The following DOCK1 variants were observed in gnomAD, a reference collection of about 807,000 sequenced individuals.
The protein encoded by DOCK1 is dedicator of cytokinesis protein 1.
DOCK1 carries 138 observed loss-of-function variants against 262.7 expected under a neutral mutation model. The observed-to-expected ratio is 0.53, with a 90% CI of 0.46 to 0.61. The LOEUF (loss-of-function observed/expected upper bound fraction) is 0.61, where lower values mean the gene tolerates loss of function less well. Ranked by LOEUF, DOCK1 falls within the 20% of genes least tolerant of loss-of-function variation. The pLI, the probability that DOCK1 is intolerant of heterozygous loss-of-function variation, is 0.00. For synonymous variants in DOCK1, 866 were observed against 867.4 expected (o/e 1.00, Z 0.03); for missense variants, 1,908 against 2,370.7 (o/e 0.80, Z 4.05).
intron 7 of DOCK1, 141 bp from the exon 8 acceptor site, chr10:126,997,951 G>C: frequency 1.9e-6 from 2 of 1,046,822 alleles, no homozygotes; most frequent in Non-Finnish European, 2.8e-6. Flanking sequence ...GTGCAGGGGA[G>C]ATAAGAAAGT....
chr10:127,308,325 T>C (rs2061949241), intron 29 of DOCK1, among the ~76,000 whole-genome samples: 3 of 152,236 alleles, frequency 2.0e-5, no homozygotes, highest in African/African-American at 7.2e-5. Context: ...CCTGGGATGC[T>C]GGACCCACTC....
chr10:127,105,625 A>G (rs2048485668), intron 23 of DOCK1, among the ~76,000 whole-genome samples: 1 of 152,172 alleles, frequency 6.6e-6, no homozygotes, highest in African/African-American at 2.4e-5. Context: ...GGAGAAAATC[A>G]CATGCATGCT....
chr10:127,107,729 C>A (rs2048616620), intron 24 of DOCK1, among the ~76,000 whole-genome samples: 1 of 152,188 alleles, frequency 6.6e-6, no homozygotes, highest in Non-Finnish European at 1.5e-5. Context: ...ATTTTAACAA[C>A]CTCCCTCCCC....
chr10:127,202,817 C>T (rs116700565), intron 27 of DOCK1, among the ~76,000 whole-genome samples: 1 of 152,178 alleles, frequency 6.6e-6, no homozygotes, highest in Non-Finnish European at 1.5e-5. Context: ...ATGATCTCTC[C>T]AAGGTCACAC....
chr10:127,448,289 C>G (rs1208950387), intron 51 of DOCK1, among the ~76,000 whole-genome samples: 2 of 152,200 alleles, frequency 1.3e-5, no homozygotes, highest in African/African-American at 4.8e-5. Flanking sequence ...ATTCATGCCA[C>G]CCAAAGTGCC....
At chr10:127,264,404 G>C (rs758687647) in intron 29 of DOCK1, among the ~76,000 whole-genome samples, 1 of 152,126 alleles carries the variant, frequency 6.6e-6, no homozygotes, top group African/African-American at 2.4e-5. Flanking sequence ...TGGGACCTAC[G>C]GGAAATAATG....
chr10:127,283,713 G>A (rs1349351609), intron 29 of DOCK1, among the ~76,000 whole-genome samples: 1 of 152,044 alleles, frequency 6.6e-6, no homozygotes, highest in Non-Finnish European at 1.5e-5. Flanking sequence ...CATTTTCATT[G>A]CCAACTTTCT....
chr10:127,222,628 T>TTTGTGTTGTGTTGTG lies in DOCK1; in HGVS notation c.2848-25339_2848-25325dup, dbSNP rs71032542. Among the ~76,000 whole-genome samples the TTTGTGTTGTGTTGTG allele has an allele frequency of 1.7e-3, 249 of 145,642 alleles. 2 individuals carry two copies. Among genetic ancestry groups the TTTGTGTTGTGTTGTG allele is most frequent in the Admixed American group, 2.6e-3 (38 of 14,404 alleles). On this transcript the variant is annotated intron_variant, in intron 27 of 51. Coordinates refer to ENST00000623213, the MANE Select transcript of DOCK1 (RefSeq NM_001290223.2). ...CATTTCATTCCTCCTGTGTTTTTGT[T>TTTGTGTTGTGTTGTG]TTGTGTTGTGTTGTGTTGTGTTGTG...
intron 1 of DOCK1, among the ~76,000 whole-genome samples, chr10:126,910,440 G>A (rs1024402664): frequency 6.6e-6 from 1 of 152,224 alleles, no homozygotes; most frequent in Non-Finnish European, 1.5e-5. Context: ...TGTAGCAAGC[G>A]CACACTTGTA....
intron 29 of DOCK1, chr10:127,272,310 C>A (rs149433070): frequency 6.6e-6 from 1 of 152,184 alleles, no homozygotes; most frequent in Non-Finnish European, 1.5e-5. Context: ...AAACAAAAGA[C>A]CTGCACTGAA....
rs748120235 is a variant in DOCK1 at position 127,444,211 on chromosome 10, C to T, written c.5345C>T (p.Ser1782Leu). 2.0e-5 allele frequency: 32 copies of T among 1,611,248 alleles called. No individual in the cohort carries two copies. In the Admixed American group the frequency reaches 2.7e-4, roughly 13 times the overall value. ...AGGCGCTTCTCGGTGTCCCCCTCGT[C>T]ACCGTCCTCCCAGCAAACACCCCCT... ...SERRFSVSPS[S>L]PSSQQTPPPV... The change falls in exon 50 of 52, where the codon TCA becomes TTA. Residue 1782 changes from serine to leucine, a missense_variant. By Grantham distance (145) the Ser-to-Leu change is moderately radical (BLOSUM62 -2). Coordinates refer to ENST00000623213, the MANE Select transcript of DOCK1 (RefSeq NM_001290223.2).
chr10:127,237,009 C>T (rs1307703841), intron 27 of DOCK1, among the ~76,000 whole-genome samples: 1 of 152,134 alleles, frequency 6.6e-6, no homozygotes, highest in Non-Finnish European at 1.5e-5. Context: ...GAAACCTTTA[C>T]TCTTGACTCC....
intron 27 of DOCK1, among the ~76,000 whole-genome samples, chr10:127,229,680 TA>T (rs2134542910): frequency 6.6e-6 from 1 of 152,332 alleles, no homozygotes; most frequent in South Asian, 2.1e-4. Flanking sequence ...TGAATAACGC[TA>T]CAGTGTACAT....
Position 127,022,145 on chromosome 10 carries a change from C to T in DOCK1, c.1328-1055C>T, listed in dbSNP as rs555783451. Among the ~76,000 whole-genome samples, 36 of 151,376 alleles carry T rather than the reference C, an allele frequency of 2.4e-4. No individual in the cohort carries two copies. In the South Asian group the frequency reaches 3.6e-3, roughly 15 times the overall value. Reference sequence around the variant, plus strand: ...AGCTCATTTCTTGCGTTTTTTTTACCCCCTACAATTAAAAGCCCATCTCAC... The same window carrying T: ...AGCTCATTTCTTGCGTTTTTTTTACTCCCTACAATTAAAAGCCCATCTCAC... On this transcript the variant is annotated intron_variant, in intron 13 of 51. Transcript: ENST00000623213.
chr10:127,010,846 ATATT>A (rs1364910010), intron 11 of DOCK1, among the ~76,000 whole-genome samples: 1 of 152,228 alleles, frequency 6.6e-6, no homozygotes, highest in African/African-American at 2.4e-5. Context: ...GCTGTATTAT[ATATT>A]AGACCTCAGA....
intron 23 of DOCK1, among the ~76,000 whole-genome samples, chr10:127,079,130 C>G (rs1483058911): frequency 6.6e-6 from 1 of 152,200 alleles, no homozygotes; most frequent in Non-Finnish European, 1.5e-5. Flanking sequence ...GTAACCCACA[C>G]TGGCATGTTT....
intron 1 of DOCK1, among the ~76,000 whole-genome samples, chr10:126,910,742 T>G (rs1198589937): frequency 6.6e-6 from 1 of 152,164 alleles, no homozygotes; most frequent in African/African-American, 2.4e-5. Context: ...TCCACGCCTT[T>G]CTCCCCTCAA....
intron 27 of DOCK1, among the ~76,000 whole-genome samples, chr10:127,157,474 A>T (rs1452454136): frequency 6.6e-6 from 1 of 152,206 alleles, no homozygotes; most frequent in East Asian, 1.9e-4. Flanking sequence ...TGACATGGAA[A>T]CACTTCTTGA....
chr10:127,114,947 C>T (rs1013907154), intron 25 of DOCK1, among the ~76,000 whole-genome samples: 3 of 151,914 alleles, frequency 2.0e-5, no homozygotes, highest in Non-Finnish European at 2.9e-5. Context: ...AGTAGAGACG[C>T]GGTTTCACCG....
Sources: gnomAD v4.1 joint callset for allele counts (sites outside exome capture counted in the v4.1 genomes callset) on GRCh38, gnomAD v4.1.1 for gene constraint, MANE v1.5 for transcripts, NCBI Gene and HGNC (gene_info 2026-07-23, HGNC 2026-07-21) for gene names.